The following CRELD1 variants were observed in gnomAD, a reference collection of about 807,000 sequenced individuals.
CRELD1 encodes CRELD disulfide isomerase 1.
Under a neutral mutation model 58.2 loss-of-function variants are expected in CRELD1, and 42 were observed. The ratio of observed to expected loss-of-function variants is 0.72; its 90% CI spans 0.56 to 0.93. CRELD1 has a LOEUF of 0.93. Among genes scored for constraint, CRELD1 ranks in the 40% least tolerant of loss-of-function variants. The pLI, the probability that CRELD1 is intolerant of heterozygous loss-of-function variation, is 0.00. For synonymous variants in CRELD1, 222 were observed against 202.0 expected (o/e 1.10, Z -0.84); for missense variants, 500 against 540.6 (o/e 0.92, Z 0.74).
intron 8 of CRELD1, 44 bp from the exon 9 acceptor site, chr3:9,943,033 G>T (rs1272610584): frequency 6.3e-7 from 1 of 1,593,510 alleles, no homozygotes; most frequent in East Asian, 2.2e-5. Flanking sequence ...GCTCCCCTGG[G>T]CCTAGGTGCA....
chr3:9,941,508 G>T (rs1483860127), intron 7 of CRELD1, among the ~76,000 whole-genome samples: 2 of 152,106 alleles, frequency 1.3e-5, no homozygotes, highest in Non-Finnish European at 2.9e-5. Flanking sequence ...ATTGAGGAAG[G>T]GGCTGGGCGC....
In CRELD1 at chr3:9,943,869, C is replaced by T. The variant is rs760431148; in HGVS notation, c.1048+354C>T. On this transcript the variant is annotated intron_variant, in intron 10 of 10. Coordinates refer to ENST00000452070, the MANE Select transcript of CRELD1 (RefSeq NM_001077415.3). ...ACAACGATGATGGCAGGGACCATTT[C>T]CCCAGCAATTACTGTGTCAGATGCT... The T allele has an allele frequency of 5.6e-6, 9 of 1,613,666 alleles. No individual in the cohort carries two copies. In the East Asian group the frequency reaches 1.1e-4, roughly 20 times the overall value.
chr3:9,934,161 TGACTTCTG>T, intron 1 of CRELD1: 1 of 525,016 alleles, frequency 1.9e-6, no homozygotes, highest in South Asian at 2.1e-5. Context: ...GACAAGAGGC[TGACTTCTG>T]CCCCCTTGTC....
chr3:9,934,501 C>T lies in CRELD1; in HGVS notation c.63C>T (p.Leu21=), dbSNP rs1329072926. The T allele has an allele frequency of 3.1e-6, 5 of 1,613,654 alleles. No individual in the cohort carries two copies. The highest frequency in any genetic ancestry group is 4.2e-6 in the Non-Finnish European group (5 of 1,179,764). The change falls in exon 2 of 11, where the codon CTC becomes CTT. Residue 21 remains leucine (L), a synonymous_variant. Coordinates refer to ENST00000452070, the MANE Select transcript of CRELD1 (RefSeq NM_001077415.3). ...TGCTCTGGGGCCTCAGCCTCTTCCT[C>T]AACCTCCCAGGACCTATCTGGCTCC... ...PAMLWGLSLF[L]NLPGPIWLQP...
intron 4 of CRELD1, among the ~76,000 whole-genome samples, 160 bp downstream of exon 4, chr3:9,937,832 T>C (rs535731182): frequency 9.2e-5 from 14 of 152,250 alleles, no homozygotes; most frequent in African/African-American, 3.4e-4. Flanking sequence ...GGACTTGCGC[T>C]CCACTTTGAG....
rs1188801422 is a variant in CRELD1 at position 9,941,111 on chromosome 3, C to T, written c.638C>T (p.Ala213Val). ...ERNASHLVCSACFGPCARCSG... is the reference protein window; with the variant it reads ...ERNASHLVCSVCFGPCARCSG... ...CTCATGCTGCCCCCATTCCACCCAG[C>T]TTGTTTTGGCCCCTGTGCCCGATGC... The change falls in exon 7 of 11, where the codon GCT becomes GTT. Residue 213 changes from alanine to valine, a missense_variant and splice_region_variant. Physicochemically the swap from Ala to Val is moderately conservative, Grantham distance 64. Coordinates refer to ENST00000452070, the MANE Select transcript of CRELD1 (RefSeq NM_001077415.3). 5 of 1,614,200 alleles carry T rather than the reference C, an allele frequency of 3.1e-6. No individual in the cohort carries two copies. The East Asian group carries it at 1.1e-4, about 36-fold the overall frequency.
chr3:9,933,853 G>C lies in CRELD1; in HGVS notation c.-87G>C, dbSNP rs1478980614. On this transcript the variant is annotated 5_prime_UTR_variant, in exon 1 of 11. Transcript: ENST00000452070. ...TTACGCAGGCTGTGGCAGCGACGCG[G>C]TGAGGAGACGGCCCACGGCGCCCGC... is the stretch of plus-strand genomic sequence containing the variant. 1.9e-6 allele frequency: 1 copy of C among 515,102 alleles called. No homozygotes were observed. Among genetic ancestry groups the C allele is most frequent in the South Asian group, 2.4e-5 (1 of 41,904 alleles). The allele number at this position is 515,102 out of a possible 1,614,324, so 31.9% of individuals were successfully genotyped here.
intron 10 of CRELD1, 92 bp downstream of exon 10, chr3:9,943,607 C>T: frequency 2.5e-6 from 4 of 1,599,072 alleles, no homozygotes; most frequent in East Asian, 2.2e-5. Flanking sequence ...CCAGGCCCTG[C>T]CCCATCCCTA....
chr3:9,943,072 T>G lies in CRELD1; in HGVS notation c.818-5T>G. 6.2e-7 allele frequency: 1 copy of G among 1,613,574 alleles called. No individual in the cohort carries two copies. Among genetic ancestry groups the G allele is most frequent in the Non-Finnish European group, 8.5e-7 (1 of 1,179,754 alleles). ...CTCACCCTCATCTTTCTCTCCTCTC[T>G]CCAGACTGTGCCAAGGCCTGCCTAG... On this transcript the variant is annotated splice_region_variant and splice_polypyrimidine_tract_variant and intron_variant, in intron 8 of 10. Transcript: ENST00000452070.
intron 5 of CRELD1, among the ~76,000 whole-genome samples, chr3:9,939,474 C>G (rs923287719): frequency 5.9e-5 from 9 of 152,192 alleles, no homozygotes; most frequent in Non-Finnish European, 1.3e-4. Context: ...GCAGAGGACC[C>G]TGCGGCCTTC....
Position 9,938,090 on chromosome 3 carries a change from C to T in CRELD1, c.444C>T (p.Phe148=), listed in dbSNP as rs373557385. 2.4e-5 allele frequency: 38 copies of T among 1,613,624 alleles called. No homozygotes were observed. Among genetic ancestry groups the T allele is most frequent in the South Asian group, 1.9e-4 (17 of 91,068 alleles). The change falls in exon 5 of 11, where the codon TTC becomes TTT. Residue 148 remains phenylalanine (F), a synonymous_variant. Transcript: ENST00000452070. ...SLKLCCPAGT[F]GPSCLPCPGG... ...AGCTCTGCTGCCCCGCAGGCACCTT[C>T]GGGCCCTCCTGCCTTCGTGAGTTTT...
chr3:9,941,118 T>C lies in CRELD1; in HGVS notation c.645T>C (p.Phe215=). 1 of 1,614,206 alleles carries C rather than the reference T, an allele frequency of 6.2e-7. No homozygotes were observed. Residue 215 remains phenylalanine, a synonymous_variant, in exon 7 of 11, where the codon TTT becomes TTC. Coordinates refer to ENST00000452070, the MANE Select transcript of CRELD1 (RefSeq NM_001077415.3). ...TGCCCCCATTCCACCCAGCTTGTTT[T>C]GGCCCCTGTGCCCGATGCTCAGGAC... ...NASHLVCSAC[F]GPCARCSGPE... is the part of the protein sequence containing the mutation.
chr3:9,943,308 G>C, intron 9 of CRELD1, 73 bp from the exon 10 acceptor site: 1 of 1,579,518 alleles, frequency 6.3e-7, no homozygotes, highest in South Asian at 1.1e-5. Context: ...GGAGTGTTGA[G>C]AGATGGACAA....
intron 5 of CRELD1, among the ~76,000 whole-genome samples, chr3:9,940,411 A>G (rs1559337143): frequency 6.6e-6 from 1 of 152,108 alleles, no homozygotes; most frequent in African/African-American, 2.4e-5. Context: ...TCCGTCTGCA[A>G]TCCCGGCACC....
chr3:9,936,981 C>T (rs150389563), intron 3 of CRELD1, among the ~76,000 whole-genome samples: 44 of 152,206 alleles, frequency 2.9e-4, no homozygotes, highest in African/African-American at 9.9e-4. Flanking sequence ...TGCATTGTTT[C>T]TACCTTTTGG....
At chr3:9,943,359 C>CT in intron 9 of CRELD1, 22 bp from the exon 10 acceptor site, 1 of 1,613,838 alleles carries the variant, frequency 6.2e-7, no homozygotes, top group East Asian at 2.2e-5. Flanking sequence ...TAGCAGGACT[C>CT]TGACCCCTCC....
Position 9,943,445 on chromosome 3 carries a change from C to A in CRELD1, c.978C>A (p.Gly326=), listed in dbSNP as rs374333743. The A allele has an allele frequency of 4.7e-5, 76 of 1,613,936 alleles. 1 individual carries two copies. The South Asian group carries it at 7.7e-4, about 16-fold the overall frequency. Residue 326 remains glycine (G), a synonymous_variant, in exon 10 of 11, where the codon GGC becomes GGA. Transcript: ENST00000452070. ...ACAAGCAGTGTGAAAACACCGAGGG[C>A]GGTTATCGCTGCATCTGTGCCGAGG... is the stretch of plus-strand genomic sequence containing the variant. ...GENKQCENTE[G]GYRCICAEGY...
Position 9,939,326 on chromosome 3 carries a change from G to GT in CRELD1, c.460+1228dup, listed in dbSNP as rs532135362. On this transcript the variant is annotated intron_variant, in intron 5 of 10. Coordinates refer to ENST00000452070, the MANE Select transcript of CRELD1 (RefSeq NM_001077415.3). The stretch of plus-strand genomic sequence containing the variant: ...TATGCAGAGCAGAAAATATTATCTT[G>GT]TTTTTTTTGTTTTTTTGTCTTTTTT... 2.2e-4 allele frequency among the ~76,000 whole-genome samples: 34 copies of GT among 151,888 alleles called. No homozygotes were observed. The East Asian group carries it at 3.7e-3, about 16-fold the overall frequency.
At position 9,934,560 on chromosome 3, in the gene CRELD1, C is replaced by T; in HGVS notation, c.122C>T (p.Pro41Leu). ...CCACCTCCCCAGTCTTCTCCCCCGC[C>T]TCAGCCCCATCCGTGTCATACCTGC... ...PSPPPQSSPP[P>L]QPHPCHTCRG... The change falls in exon 2 of 11, where the codon CCT (proline) becomes CTT (leucine). Residue 41 changes from proline (P) to leucine (L), a missense_variant. Transcript: ENST00000452070. 6.2e-7 allele frequency: 1 copy of T among 1,614,166 alleles called. No individual in the cohort carries two copies. Among genetic ancestry groups the T allele is most frequent in the Non-Finnish European group, 8.5e-7 (1 of 1,180,020 alleles).
Sources: gnomAD v4.1 joint callset for allele counts (sites outside exome capture counted in the v4.1 genomes callset) on GRCh38, gnomAD v4.1.1 for gene constraint, MANE v1.5 for transcripts, NCBI Gene and HGNC (gene_info 2026-07-23, HGNC 2026-07-21) for gene names.